DBH: variants seen among roughly 807,000 people sequenced by gnomAD.
DBH encodes the protein dopamine beta-hydroxylase (dopamine beta-monooxygenase).
Under a neutral mutation model 64.0 loss-of-function variants are expected in DBH, and 49 were observed. That is an observed-to-expected ratio of 0.77 (90% confidence interval 0.61 to 0.97). The LOEUF is 0.97. DBH is among the 50% of genes least tolerant of loss of function. The pLI, the probability that DBH is intolerant of heterozygous loss-of-function variation, is 0.00. For missense variants in DBH, 828 were observed against 826.6 expected (o/e 1.00, Z -0.02); for synonymous variants, 343 against 347.1 (o/e 0.99, Z 0.13).
chr9:133,643,488 G>A lies in DBH; in HGVS notation c.820G>A (p.Asp274Asn). The A allele has an allele frequency of 6.2e-7, 1 of 1,613,840 alleles. No individual in the cohort carries two copies. ...AGTCTTCCAGTGCGCCCCCGAGATGGACAGCGTCCCCCACTTCAGCGGGCC... is the reference window on the plus strand; with the variant it reads ...AGTCTTCCAGTGCGCCCCCGAGATGAACAGCGTCCCCCACTTCAGCGGGCC... ...MEVFQCAPEM[D>N]SVPHFSGPCD... Residue 274 changes from aspartate to asparagine, a missense_variant, in exon 4 of 12, where the codon GAC becomes AAC. By Grantham distance (23) the Asp-to-Asn change is conservative. Transcript: ENST00000393056. This position sits in a 1 kb window ranked among gnomAD's most constrained non-coding sequence, Gnocchi z 5.3.
In DBH at chr9:133,647,946, G is replaced by A; in HGVS notation, c.1125G>A (p.Met375Ile). ...TGGGACTGGTGTACACGCCAGTGATGGCCATTCCACCACGGGAGACCGCCT... is the reference window on the plus strand; with the variant it reads ...TGGGACTGGTGTACACGCCAGTGATAGCCATTCCACCACGGGAGACCGCCT... ...MELGLVYTPVMAIPPRETAFI... is the reference protein window; with the variant it reads ...MELGLVYTPVIAIPPRETAFI... Residue 375 changes from methionine (M) to isoleucine (I), a missense_variant, in exon 6 of 12, where the codon ATG (methionine) becomes ATA (isoleucine). Physicochemically the swap from Met to Ile is conservative, Grantham distance 10. Transcript: ENST00000393056. 1.2e-6 allele frequency: 2 copies of A among 1,614,096 alleles called. No homozygotes were observed. The highest frequency in any genetic ancestry group is 8.5e-7 in the Non-Finnish European group (1 of 1,180,022).
chr9:133,656,688 AC>A (rs768151804), intron 10 of DBH, 38 bp downstream of exon 10: 2 of 1,606,966 alleles, frequency 1.2e-6, no homozygotes, highest in Non-Finnish European at 1.7e-6. Context: ...CCCCCAGGGA[AC>A]CCCGACACAG....
At chr9:133,646,861 G>A (rs1233275710) in intron 5 of DBH, among the ~76,000 whole-genome samples, 1 of 152,180 alleles carries the variant, frequency 6.6e-6, no homozygotes. Flanking sequence ...TGTGACCACT[G>A]GGAGGCTGGC....
rs1236716352 is a variant in DBH, at chr9:133,636,689, T to C, written c.318T>C (p.Asp106=). The C allele has an allele frequency of 3.7e-6, 6 of 1,604,352 alleles. No homozygotes were observed. Among genetic ancestry groups the C allele is most frequent in the Admixed American group, 1.7e-5 (1 of 59,998 alleles). ...CAGATCTCGTGGTGCTCTGGACCGA[T>C]GGGGACACTGCCTATTTTGCGGTGA... ...ENADLVVLWT[D]GDTAYFADAW... is the part of the protein sequence containing the mutation. The change falls in exon 1 of 12, where the codon GAT becomes GAC. Residue 106 remains aspartate (D), a synonymous_variant. Transcript: ENST00000393056.
chr9:133,640,896 G>A (rs939969597), intron 2 of DBH, among the ~76,000 whole-genome samples: 1 of 152,256 alleles, frequency 6.6e-6, no homozygotes, highest in Non-Finnish European at 1.5e-5. Flanking sequence ...GGCCAGGCAG[G>A]GCAGGGAAGT....
Position 133,643,701 on chromosome 9 carries a change from G to T in DBH, c.921+112G>T. ...GAGGCTTCAAGAAGGGGCTCCCAAG[G>T]GGGCTCACGAGGCCACCAGAAGGGC... On this transcript the variant is annotated intron_variant, in intron 4 of 11. Transcript: ENST00000393056. This position sits in a 1 kb window ranked among gnomAD's most constrained non-coding sequence, Gnocchi z 5.3. The T allele has an allele frequency of 7.6e-7, 1 of 1,312,962 alleles. No individual in the cohort carries two copies. Among genetic ancestry groups the T allele is most frequent in the Non-Finnish European group, 1.1e-6 (1 of 948,140 alleles). 81.3% of individuals were successfully genotyped at this position (1,312,962 alleles called of 1,614,324 possible). A position where few individuals can be genotyped will look rare whatever the true frequency, so the allele number is the denominator to read the frequency against.
At chr9:133,657,433 GGAGAGAGAGGAGAGAGAGGAGA>G in intron 11 of DBH, 1 of 467,544 alleles carries the variant, frequency 2.1e-6, no homozygotes, top group Non-Finnish European at 3.8e-6. Flanking sequence ...AGGAGAGAGA[GGAGAGAGAGGAGAGAGAGGAGA>G]GAGGGAGAGG....
rs1353058074 is a variant in DBH, at chr9:133,652,280, A to C, written c.1370A>C (p.His457Pro). The C allele has an allele frequency of 3.1e-6, 5 of 1,613,454 alleles. No individual in the cohort carries two copies. In the South Asian group the frequency reaches 4.4e-5, roughly 14 times the overall value. The part of the protein sequence containing the change: ...IRMLKKVVSV[H>P]PGDVLITSCT... Reference sequence around the variant, plus strand: ...ATGTTGAAGAAGGTCGTGTCGGTCCATCCGGTGAGTGCCCAGCGGGAAGGC... The same window carrying C: ...ATGTTGAAGAAGGTCGTGTCGGTCCCTCCGGTGAGTGCCCAGCGGGAAGGC... The change falls in exon 8 of 12, where the codon CAT becomes CCT. Residue 457 changes from histidine (H) to proline (P), a missense_variant. By Grantham distance (77) the His-to-Pro change is moderately conservative (BLOSUM62 -2). Coordinates refer to ENST00000393056, the MANE Select transcript of DBH (RefSeq NM_000787.4).
chr9:133,643,328 G>A lies in DBH; in HGVS notation c.745-85G>A. 7.1e-7 allele frequency: 1 copy of A among 1,400,422 alleles called. No individual in the cohort carries two copies. The highest frequency in any genetic ancestry group is 1.0e-6 in the Non-Finnish European group (1 of 998,062). 86.7% of individuals were successfully genotyped at this position (1,400,422 alleles called of 1,614,324 possible). A position where few individuals can be genotyped will look rare whatever the true frequency, so the allele number is the denominator to read the frequency against. On this transcript the variant is annotated intron_variant, in intron 3 of 11. Coordinates refer to ENST00000393056, the MANE Select transcript of DBH (RefSeq NM_000787.4). This position sits in a 1 kb window ranked among gnomAD's most constrained non-coding sequence, Gnocchi z 5.3. The stretch of plus-strand genomic sequence containing the variant: ...ATCATCCCTCCCATTTTACAGATGG[G>A]CATTCGGAAGCCCATGGAGGAGGGC...
chr9:133,637,264 G>C (rs975916887), intron 1 of DBH, among the ~76,000 whole-genome samples: 1 of 152,250 alleles, frequency 6.6e-6, no homozygotes, highest in African/African-American at 2.4e-5. Context: ...GCCCCACAGG[G>C]CTCAGCCAAA....
chr9:133,645,226 T>C (rs574387427), intron 5 of DBH, among the ~76,000 whole-genome samples: 2 of 141,364 alleles, frequency 1.4e-5, no homozygotes, highest in South Asian at 2.2e-4. Flanking sequence ...TGTGCTCAGC[T>C]AACAGTCGCC....
chr9:133,641,420 C>T (rs935655212), intron 2 of DBH, among the ~76,000 whole-genome samples: 1 of 152,224 alleles, frequency 6.6e-6, no homozygotes, highest in Non-Finnish European at 1.5e-5. Flanking sequence ...TGTGTGTGCT[C>T]AGCCCAGTGG....
chr9:133,650,508 CT>C (rs1306945591), intron 6 of DBH, among the ~76,000 whole-genome samples: 1 of 125,232 alleles, frequency 8.0e-6, no homozygotes, highest in Non-Finnish European at 1.7e-5. Flanking sequence ...TCCTTTCTTT[CT>C]TTCCTTCCTT....
chr9:133,640,858 G>A (rs149263627), intron 2 of DBH, among the ~76,000 whole-genome samples: 1 of 152,370 alleles, frequency 6.6e-6, no homozygotes, highest in Non-Finnish European at 1.5e-5. Context: ...GCCCAGGCCT[G>A]AGGCTTTCTT....
chr9:133,651,967 GC>G (rs1368034399), intron 7 of DBH, among the ~76,000 whole-genome samples, 190 bp downstream of exon 7: 4 of 151,610 alleles, frequency 2.6e-5, no homozygotes, highest in Non-Finnish European at 5.9e-5. Flanking sequence ...TCGTAGGGAG[GC>G]CTCTGGCACA....
At chr9:133,647,780 GT>G (rs1313541916) in intron 5 of DBH, 65 bp from the exon 6 acceptor site, 1 of 1,597,230 alleles carries the variant, frequency 6.3e-7, no homozygotes, top group Non-Finnish European at 8.6e-7. Flanking sequence ...GGGATAATCT[GT>G]CCGCAGGGGG....
intron 7 of DBH, 24 bp downstream of exon 7, chr9:133,651,801 G>GGCCCCCC: frequency 6.7e-7 from 1 of 1,496,348 alleles, no homozygotes; most frequent in Non-Finnish European, 9.0e-7. Context: ...CCCCACCCCT[G>GGCCCCCC]CCCCGCCCCC....
chr9:133,639,334 C>T (rs1564207913), intron 1 of DBH, among the ~76,000 whole-genome samples: 1 of 152,120 alleles, frequency 6.6e-6, no homozygotes, highest in Admixed American at 6.5e-5. Context: ...TATCAATCAC[C>T]ATCTTAGATG....
intron 5 of DBH, among the ~76,000 whole-genome samples, chr9:133,647,041 C>T (rs1296867479): frequency 1.3e-5 from 2 of 152,178 alleles, no homozygotes; most frequent in African/African-American, 4.8e-5. Context: ...AGCAAGTCAT[C>T]TGAGAGCACA....
Sources: gnomAD v4.1 joint callset for allele counts (sites outside exome capture counted in the v4.1 genomes callset) on GRCh38, gnomAD v4.1.1 for gene constraint, Gnocchi (gnomAD v3.1) non-coding constraint, MANE v1.5 for transcripts, NCBI Gene and HGNC (gene_info 2026-07-23, HGNC 2026-07-21) for gene names.